CPNE5: variants seen among roughly 807,000 people sequenced by gnomAD.
The protein encoded by CPNE5 is copine-5.
Under a neutral mutation model 81.1 loss-of-function variants are expected in CPNE5, and 42 were observed. The observed-to-expected ratio is 0.52, with a 90% confidence interval of 0.40 to 0.67. The LOEUF (loss-of-function observed/expected upper bound fraction) is 0.67, where lower values mean the gene tolerates loss of function less well. CPNE5 is among the 30% of genes least tolerant of loss of function. The probability of loss-of-function intolerance (pLI) is 0.00; values close to 1 mark genes in which losing one functional copy is unlikely to be tolerated. For missense variants in CPNE5, 612 were observed against 815.5 expected (o/e 0.75, Z 3.04); for synonymous variants, 313 against 321.5 (o/e 0.97, Z 0.28).
rs1766308125 is a variant in CPNE5, at chr6:36,763,972, G to A, written c.780-980C>T. Among the ~76,000 whole-genome samples, 3 of 152,150 alleles carry A rather than the reference G, an allele frequency of 2.0e-5. No homozygotes were observed. The South Asian group carries it at 6.2e-4, about 32-fold the overall frequency. On this transcript the variant is annotated intron_variant, in intron 11 of 20. Transcript: ENST00000244751. Reference sequence around the variant, plus strand: ...CATGGCAGAACTCCCACTGACCCCAGGGTTGGCTCCTTTAACTTCCCCAGT... The same window carrying A: ...CATGGCAGAACTCCCACTGACCCCAAGGTTGGCTCCTTTAACTTCCCCAGT...
In CPNE5 at chr6:36,757,007, T is replaced by C. The variant is rs550482384; in HGVS notation, c.856-709A>G. Among the ~76,000 whole-genome samples, 441 of 151,942 alleles carry C rather than the reference T, an allele frequency of 2.9e-3. 1 individual carries two copies. The highest frequency in any genetic ancestry group is 9.7e-3 in the African/African-American group (403 of 41,400). On this transcript the variant is annotated intron_variant, in intron 12 of 20. Coordinates refer to ENST00000244751, the MANE Select transcript of CPNE5 (RefSeq NM_020939.2). ...TGGTTTCCACAACTGAGGGGGTGAGTAGAGGCCAGGCATGCTGCTAAACAT... is the reference window on the plus strand; with the variant it reads ...TGGTTTCCACAACTGAGGGGGTGAGCAGAGGCCAGGCATGCTGCTAAACAT...
In CPNE5 at chr6:36,825,715, C is replaced by T. The variant is rs540517758; in HGVS notation, c.96-2617G>A. ...CCGAGGCGGGCTGACTTCCCTGGGC[C>T]GACATTCTCATCCTGAAGTGTGCTA... On this transcript the variant is annotated intron_variant, in intron 1 of 20. Coordinates refer to ENST00000244751, the MANE Select transcript of CPNE5 (RefSeq NM_020939.2). Among the ~76,000 whole-genome samples, 9 of 152,234 alleles carry T rather than the reference C, an allele frequency of 5.9e-5. No homozygotes were observed. The South Asian group carries it at 1.0e-3, about 18-fold the overall frequency.
At position 36,746,606 on chromosome 6, in the gene CPNE5, CCAT is replaced by C; in HGVS notation, c.1019-32_1019-30del. On this transcript the variant is annotated intron_variant, in intron 15 of 20. Coordinates refer to ENST00000244751, the MANE Select transcript of CPNE5 (RefSeq NM_020939.2). The surrounding 1 kb of genome is among the most constrained non-coding windows in gnomAD (Gnocchi z 4.5). The stretch of plus-strand genomic sequence containing the variant: ...TAACACAGGACATGGGAGCCTTTGA[CCAT>C]CTGGACCCTCCAAGTCACCCCGGGT... The C allele has an allele frequency of 1.3e-6, 2 of 1,586,878 alleles. No homozygotes were observed. Among genetic ancestry groups the C allele is most frequent in the Non-Finnish European group, 1.7e-6 (2 of 1,170,408 alleles).
chr6:36,762,350 A>ATG (rs1554197428), intron 12 of CPNE5, among the ~76,000 whole-genome samples: 1 of 151,112 alleles, frequency 6.6e-6, no homozygotes, highest in Non-Finnish European at 1.5e-5. Context: ...ATACATGCTC[A>ATG]CACACACACA....
At chr6:36,744,446 G>A (rs1181920681) in intron 18 of CPNE5, 121 bp from the exon 19 acceptor site, 3 of 753,872 alleles carry the variant, frequency 4.0e-6, no homozygotes, top group Non-Finnish European at 7.0e-6. Flanking sequence ...GAGTGAACAT[G>A]GAGAGACAGA....
chr6:36,769,649 G>T (rs1766882510), intron 10 of CPNE5, among the ~76,000 whole-genome samples: 1 of 152,226 alleles, frequency 6.6e-6, no homozygotes. Context: ...CTCATCTGGG[G>T]CAGGCAGTGA....
intron 3 of CPNE5, among the ~76,000 whole-genome samples, chr6:36,813,939 CTTAG>C (rs999415564): frequency 5.9e-5 from 9 of 152,190 alleles, no homozygotes; most frequent in African/African-American, 2.2e-4. Context: ...TAAGCATTAC[CTTAG>C]TTAGTCTACC....
At chr6:36,777,766 C>CCACACACACACACACA (rs34423091) in intron 9 of CPNE5, among the ~76,000 whole-genome samples, 12 of 109,548 alleles carry the variant, frequency 1.1e-4, no homozygotes, top group African/African-American at 4.7e-4. Context: ...CCCCCCCCCA[C>CCACACACACACACACA]CACACACACA....
rs372218746 is a variant in CPNE5 at position 36,765,260 on chromosome 6, C to T, written c.779+75G>A. 9.7e-5 allele frequency: 149 copies of T among 1,538,646 alleles called. No individual in the cohort carries two copies. The African/African-American group carries it at 1.8e-3, about 19-fold the overall frequency. Reference sequence around the variant, plus strand: ...GCGGGGGGGAGCCTGGTCACAGCTCCGCATGGGAGGGCAGGGCCCAGTGGC... The same window carrying T: ...GCGGGGGGGAGCCTGGTCACAGCTCTGCATGGGAGGGCAGGGCCCAGTGGC... On this transcript the variant is annotated intron_variant, in intron 11 of 20. Transcript: ENST00000244751.
intron 10 of CPNE5, among the ~76,000 whole-genome samples, chr6:36,770,983 C>G (rs1358816655): frequency 6.6e-6 from 1 of 152,158 alleles, no homozygotes; most frequent in Non-Finnish European, 1.5e-5. Context: ...TTCCTGCCCT[C>G]AAACGCTGAA....
Position 36,798,203 on chromosome 6 carries a change from A to T in CPNE5, c.366T>A (p.Ile122=). ...CCAGGCGGCTCCCAGGGGACCCCAC[A>T]ATCTCTCCAAGGGTGCAGAAGGCCT... ...LGQAFCTLGE[I]VGSPGSRLEK... Residue 122 remains isoleucine, a synonymous_variant, in exon 6 of 21, where the codon ATT becomes ATA. Coordinates refer to ENST00000244751, the MANE Select transcript of CPNE5 (RefSeq NM_020939.2). 6.2e-7 allele frequency: 1 copy of T among 1,613,864 alleles called. No homozygotes were observed. The highest frequency in any genetic ancestry group is 8.5e-7 in the Non-Finnish European group (1 of 1,179,916).
At chr6:36,759,348 C>T (rs1341187749) in intron 12 of CPNE5, among the ~76,000 whole-genome samples, 2 of 151,974 alleles carry the variant, frequency 1.3e-5, no homozygotes, top group Middle Eastern at 3.4e-3. Context: ...GCCAGCGCCA[C>T]CTAGGGGCCA....
chr6:36,818,021 C>T (rs945594160), intron 3 of CPNE5, among the ~76,000 whole-genome samples: 1 of 152,104 alleles, frequency 6.6e-6, no homozygotes, highest in Non-Finnish European at 1.5e-5. Flanking sequence ...GTTATGTCTT[C>T]GCACGTCACT....
In CPNE5 at chr6:36,744,339, TG is replaced by T. The variant is rs768121588; in HGVS notation, c.1432-15del. 1.3e-6 allele frequency: 2 copies of T among 1,575,680 alleles called. No homozygotes were observed. Among genetic ancestry groups the T allele is most frequent in the Non-Finnish European group, 8.6e-7 (1 of 1,160,654 alleles). On this transcript the variant is annotated splice_polypyrimidine_tract_variant and intron_variant, in intron 18 of 20. Coordinates refer to ENST00000244751, the MANE Select transcript of CPNE5 (RefSeq NM_020939.2). ...GAGCTTGGCAGCCTGGGAGACAGCATGGGGGGCAGGGAAAGGTTGGACCCAA... is the reference window on the plus strand; with the variant it reads ...GAGCTTGGCAGCCTGGGAGACAGCATGGGGGCAGGGAAAGGTTGGACCCAA...
At chr6:36,810,559 G>A (rs1259508827) in intron 3 of CPNE5, among the ~76,000 whole-genome samples, 1 of 152,222 alleles carries the variant, frequency 6.6e-6, no homozygotes, top group Non-Finnish European at 1.5e-5. Context: ...CAGTGGCTGG[G>A]AAGAGTGGCC....
chr6:36,822,199 C>T, intron 2 of CPNE5, 39 bp from the exon 3 acceptor site: 2 of 1,447,370 alleles, frequency 1.4e-6, no homozygotes, highest in South Asian at 1.4e-5. Flanking sequence ...ATACCTCAGG[C>T]CAAGAGGAAG....
At chr6:36,786,012 C>CAAAAAAAAAAAAAAAAAAAAAAAAAA (rs36060316) in intron 8 of CPNE5, among the ~76,000 whole-genome samples, 1 of 83,856 alleles carries the variant, frequency 1.2e-5, no homozygotes, top group African/African-American at 4.8e-5. Context: ...GACTCCGTCT[C>CAAAAAAAAAAAAAAAAAAAAAAAAAA]AAAAAAAAAA....
At chr6:36,752,520 C>G (rs561634859) in intron 14 of CPNE5, 224 of 152,708 alleles carry the variant, frequency 1.5e-3, no homozygotes, top group Non-Finnish European at 2.7e-3. Flanking sequence ...GTCCCCCTCC[C>G]CCAACCAGAC....
chr6:36,823,649 G>A (rs1274997880), intron 1 of CPNE5, among the ~76,000 whole-genome samples: 2 of 152,260 alleles, frequency 1.3e-5, no homozygotes, highest in African/African-American at 4.8e-5. Context: ...GCTAACACAT[G>A]GCTCTGATAA....
Sources: allele counts gnomAD v4.1 joint callset (sites outside exome capture counted in the v4.1 genomes callset), GRCh38; gene constraint gnomAD v4.1.1; non-coding constraint Gnocchi (gnomAD v3.1); transcripts MANE v1.5; gene names NCBI Gene and HGNC (gene_info 2026-07-23, HGNC 2026-07-21).